CPA6: variants seen among roughly 807,000 people sequenced by gnomAD.
CPA6 encodes the protein carboxypeptidase B.
Under a neutral mutation model 63.3 loss-of-function variants are expected in CPA6, and 58 were observed. The ratio of observed to expected loss-of-function variants is 0.92; its 90% CI spans 0.74 to 1.14. The LOEUF is 1.14. Ranked by LOEUF, CPA6 falls within the 50% of genes most tolerant of loss-of-function variation. CPA6 has a pLI of 0.00. For missense variants in CPA6, 565 were observed against 526.6 expected (o/e 1.07, Z -0.71); for synonymous variants, 185 against 179.0 (o/e 1.03, Z -0.27).
At chr8:67,561,919 T>G (rs1318903592) in intron 2 of CPA6, among the ~76,000 whole-genome samples, 1 of 152,236 alleles carries the variant, frequency 6.6e-6, no homozygotes, top group Non-Finnish European at 1.5e-5. Flanking sequence ...TTTACTATTC[T>G]GCTTCTATAT....
At position 67,483,873 on chromosome 8, in the gene CPA6, G is replaced by C; in HGVS notation, c.748-15C>G. ...CAAAATCGATCCTAGACATAATTAAGAAAACAGGTGCTGAGAAAAATACTT... is the reference window on the plus strand; with the variant it reads ...CAAAATCGATCCTAGACATAATTAACAAAACAGGTGCTGAGAAAAATACTT... On this transcript the variant is annotated splice_polypyrimidine_tract_variant and intron_variant, in intron 7 of 10. Coordinates refer to ENST00000297770, the MANE Select transcript of CPA6 (RefSeq NM_020361.5). The C allele has an allele frequency of 6.3e-7, 1 of 1,597,252 alleles. No homozygotes were observed. Among genetic ancestry groups the C allele is most frequent in the Non-Finnish European group, 8.6e-7 (1 of 1,164,774 alleles).
intron 1 of CPA6, among the ~76,000 whole-genome samples, chr8:67,682,406 T>A (rs1224306907): frequency 6.6e-6 from 1 of 152,250 alleles, no homozygotes; most frequent in Non-Finnish European, 1.5e-5. Context: ...TTTCTGTGTC[T>A]CTACTTACAT....
intron 9 of CPA6, among the ~76,000 whole-genome samples, chr8:67,431,774 G>A (rs1032426151): frequency 6.6e-6 from 1 of 151,764 alleles, no homozygotes; most frequent in Non-Finnish European, 1.5e-5. Flanking sequence ...TTTTACAATA[G>A]TTCTAAAGAG....
At chr8:67,722,081 C>T (rs1395167028) in intron 1 of CPA6, among the ~76,000 whole-genome samples, 1 of 152,242 alleles carries the variant, frequency 6.6e-6, no homozygotes, top group Non-Finnish European at 1.5e-5. Flanking sequence ...AAATCTTGGA[C>T]TACAAGGTAG....
intron 1 of CPA6, among the ~76,000 whole-genome samples, chr8:67,636,367 A>G (rs1203714716): frequency 6.6e-6 from 1 of 151,446 alleles, no homozygotes. Context: ...ACATTTTAAA[A>G]TTATGTAGGG....
intron 2 of CPA6, among the ~76,000 whole-genome samples, chr8:67,529,971 A>G (rs1041482409): frequency 6.6e-6 from 1 of 152,212 alleles, no homozygotes; most frequent in African/African-American, 2.4e-5. Flanking sequence ...AACAGAAAAG[A>G]GTTTTGTGGA....
chr8:67,728,952 A>G (rs894445870), intron 1 of CPA6, among the ~76,000 whole-genome samples: 19 of 152,214 alleles, frequency 1.2e-4, no homozygotes, highest in African/African-American at 3.4e-4. Flanking sequence ...AGACCACCCA[A>G]TTTAATTCTT....
At chr8:67,611,489 G>A (rs1814806414) in intron 2 of CPA6, among the ~76,000 whole-genome samples, 1 of 152,136 alleles carries the variant, frequency 6.6e-6, no homozygotes, top group African/African-American at 2.4e-5. Context: ...ACTTTATCTT[G>A]TTAATCACCA....
intron 1 of CPA6, among the ~76,000 whole-genome samples, chr8:67,668,497 G>A (rs1197833861): frequency 2.6e-5 from 4 of 152,170 alleles, no homozygotes; most frequent in Admixed American, 2.6e-4. Context: ...TAAAGGCAGA[G>A]CCAGCTCTTT....
At chr8:67,684,039 TTTTA>T (rs1304657449) in intron 1 of CPA6, among the ~76,000 whole-genome samples, 68 of 141,510 alleles carry the variant, frequency 4.8e-4, no homozygotes, top group Non-Finnish European at 8.6e-4. Flanking sequence ...ATAATTTTTA[TTTTA>T]TTTATTTATT....
chr8:67,423,579 T>G (rs1009704331), intron 10 of CPA6, among the ~76,000 whole-genome samples: 1 of 152,216 alleles, frequency 6.6e-6, no homozygotes, highest in Non-Finnish European at 1.5e-5. Flanking sequence ...CCTGTCCTTT[T>G]CCTGCTTTTG....
At chr8:67,559,487 A>G (rs1024817331) in intron 2 of CPA6, among the ~76,000 whole-genome samples, 1 of 152,022 alleles carries the variant, frequency 6.6e-6, no homozygotes, top group Non-Finnish European at 1.5e-5. Flanking sequence ...ATGTCCTACC[A>G]TCTCTCCTTT....
At chr8:67,481,938 CA>C (rs1811369058) in intron 8 of CPA6, among the ~76,000 whole-genome samples, 1 of 152,238 alleles carries the variant, frequency 6.6e-6, no homozygotes, top group Non-Finnish European at 1.5e-5. Context: ...TCACTTCCAA[CA>C]GTCTATCAAG....
intron 6 of CPA6, among the ~76,000 whole-genome samples, chr8:67,500,203 A>G (rs1407729915): frequency 6.6e-6 from 1 of 151,738 alleles, no homozygotes; most frequent in Admixed American, 6.6e-5. Flanking sequence ...CTACCTATAC[A>G]TCTATAGATA....
chr8:67,742,163 C>T (rs1817926263), intron 1 of CPA6, among the ~76,000 whole-genome samples: 1 of 152,024 alleles, frequency 6.6e-6, no homozygotes, highest in Non-Finnish European at 1.5e-5. Context: ...TGTGTGACAA[C>T]AGAAAGTTCT....
chr8:67,577,269 G>C (rs1813651919), intron 2 of CPA6, among the ~76,000 whole-genome samples: 1 of 152,188 alleles, frequency 6.6e-6, no homozygotes, highest in Non-Finnish European at 1.5e-5. Flanking sequence ...ATGAGTGACA[G>C]ATGGTAACTC....
chr8:67,740,178 G>A (rs541590990), intron 1 of CPA6, among the ~76,000 whole-genome samples: 8 of 152,234 alleles, frequency 5.3e-5, no homozygotes, highest in Non-Finnish European at 1.2e-4. Context: ...CACCAGAACA[G>A]CAGGTGCAAA....
intron 1 of CPA6, among the ~76,000 whole-genome samples, chr8:67,702,807 A>G (rs921167353): frequency 1.3e-5 from 2 of 152,198 alleles, no homozygotes; most frequent in Non-Finnish European, 2.9e-5. Flanking sequence ...TCAGGGGAGA[A>G]GAGACACAAA....
intron 1 of CPA6, among the ~76,000 whole-genome samples, chr8:67,718,713 C>G (rs1299526220): frequency 6.7e-6 from 1 of 149,450 alleles, no homozygotes; most frequent in African/African-American, 2.5e-5. Context: ...GTGGCGTGAT[C>G]TCAGCTCACT....
Sources: allele counts gnomAD v4.1 joint callset (sites outside exome capture counted in the v4.1 genomes callset), GRCh38; gene constraint gnomAD v4.1.1; transcripts MANE v1.5; gene names NCBI Gene and HGNC (gene_info 2026-07-23, HGNC 2026-07-21).